SEC24A: variants seen among roughly 807,000 people sequenced by gnomAD.
The protein encoded by SEC24A is SEC24 homolog A, COPII component, also known as protein transport protein Sec24A.
In SEC24A, 93 loss-of-function variants were observed where a neutral mutation model predicts 129.4. The observed-to-expected ratio is 0.72, with a 90% CI of 0.61 to 0.85. SEC24A has a LOEUF of 0.85. Among genes scored for constraint, SEC24A ranks in the 40% least tolerant of loss-of-function variants. SEC24A has a pLI of 0.00. For missense variants in SEC24A, 1,264 were observed against 1,307.4 expected (o/e 0.97, Z 0.51); for synonymous variants, 460 against 467.3 (o/e 0.98, Z 0.20).
In SEC24A at chr5:134,666,853, C is replaced by T. The variant is rs1332820306; in HGVS notation, c.596C>T (p.Pro199Leu). 3 of 1,613,922 alleles carry T rather than the reference C, an allele frequency of 1.9e-6. No individual in the cohort carries two copies. Among genetic ancestry groups the T allele is most frequent in the Non-Finnish European group, 2.5e-6 (3 of 1,180,008 alleles). ...GPSVPPLVNP[P>L]LPTTFQPGAP... is the part of the protein sequence containing the mutation. ...TCTGTACCTCCCTTAGTGAATCCAC[C>T]TCTGCCTACAACTTTTCAACCAGGA... is the stretch of plus-strand genomic sequence containing the variant. The change falls in exon 3 of 23, where the codon CCT (proline) becomes CTT (leucine). Residue 199 changes from proline to leucine, a missense_variant. Pro to Leu is a moderately conservative substitution (Grantham distance 98). Transcript: ENST00000398844.
At chr5:134,693,353 A>G in intron 12 of SEC24A, 1 of 1,372,342 alleles carries the variant, frequency 7.3e-7, no homozygotes, top group Admixed American at 3.1e-5. Context: ...GCAACAGGGA[A>G]GAGCTAAACT....
intron 2 of SEC24A, among the ~76,000 whole-genome samples, 176 bp from the exon 3 acceptor site, chr5:134,666,647 A>G (rs1396040216): frequency 5.3e-5 from 8 of 152,148 alleles, no homozygotes; most frequent in African/African-American, 1.9e-4. Context: ...AGAAATTTGT[A>G]AAATATGCAT....
intron 9 of SEC24A, among the ~76,000 whole-genome samples, chr5:134,683,168 G>A (rs748615542): frequency 7.9e-5 from 12 of 151,548 alleles, no homozygotes; most frequent in South Asian, 2.1e-4. Context: ...GATTATAGGC[G>A]CGAGCCAACA....
chr5:134,696,867 G>T (rs1377559789), intron 13 of SEC24A, among the ~76,000 whole-genome samples: 1 of 151,236 alleles, frequency 6.6e-6, no homozygotes, highest in East Asian at 1.9e-4. Context: ...GGCTCAAGCA[G>T]TCCACCCGCC....
intron 18 of SEC24A, among the ~76,000 whole-genome samples, chr5:134,712,399 C>CTGTGT: frequency 6.7e-6 from 1 of 150,042 alleles, no homozygotes. Context: ...TACAGGCACC[C>CTGTGT]GCCACCATGC....
intron 11 of SEC24A, among the ~76,000 whole-genome samples, chr5:134,690,387 T>C (rs1460912114): frequency 6.6e-6 from 1 of 152,096 alleles, no homozygotes; most frequent in East Asian, 1.9e-4. Context: ...AATCATAGCT[T>C]GCTGCAGCCT....
chr5:134,694,119 T>G (rs1198348248), intron 13 of SEC24A, among the ~76,000 whole-genome samples, 186 bp downstream of exon 13: 1 of 152,234 alleles, frequency 6.6e-6, no homozygotes, highest in African/African-American at 2.4e-5. Flanking sequence ...TTCCTTAATT[T>G]TTAGTATCTT....
chr5:134,682,680 TCCTC>T (rs1438390915), intron 9 of SEC24A, among the ~76,000 whole-genome samples, 198 bp downstream of exon 9: 1 of 152,108 alleles, frequency 6.6e-6, no homozygotes, highest in Non-Finnish European at 1.5e-5. Context: ...GCTCAAGTGA[TCCTC>T]CCACCTCAGC....
intron 16 of SEC24A, 112 bp from the exon 17 acceptor site, chr5:134,705,215 A>G: frequency 1.4e-6 from 1 of 706,216 alleles, no homozygotes; most frequent in South Asian, 1.9e-5. Context: ...AGGTGGGACT[A>G]CAGGGATGCA....
chr5:134,673,808 A>G (rs1750958963), intron 4 of SEC24A, among the ~76,000 whole-genome samples: 1 of 152,148 alleles, frequency 6.6e-6, no homozygotes, highest in Non-Finnish European at 1.5e-5. Context: ...GTCTACTACT[A>G]TAGTATAAAA....
At chr5:134,699,459 C>T (rs911303563) in intron 15 of SEC24A, among the ~76,000 whole-genome samples, 5 of 151,690 alleles carry the variant, frequency 3.3e-5, no homozygotes, top group African/African-American at 4.8e-5. Flanking sequence ...CCACCATGCC[C>T]AGCTAATTTT....
At chr5:134,719,570 A>C (rs982080668) in intron 20 of SEC24A, among the ~76,000 whole-genome samples, 1 of 150,474 alleles carries the variant, frequency 6.6e-6, no homozygotes, top group Non-Finnish European at 1.5e-5. Flanking sequence ...CACCTGTAAT[A>C]CCAGCTACTT....
chr5:134,703,808 C>T lies in SEC24A; in HGVS notation c.2316C>T (p.Asp772=). ...GAAACTTCTTTGTTAGGTCAACCGA[C>T]TTACTGTCTTTGCCTAACGTCAACC... ...FHGNFFVRST[D]LLSLPNVNPD... is the part of the protein sequence containing the mutation. The change falls in exon 16 of 23, where the codon GAC becomes GAT. Residue 772 remains aspartate, a synonymous_variant. Coordinates refer to ENST00000398844, the MANE Select transcript of SEC24A (RefSeq NM_021982.3). The T allele has an allele frequency of 6.2e-7, 1 of 1,613,472 alleles. No individual in the cohort carries two copies. The highest frequency in any genetic ancestry group is 8.5e-7 in the Non-Finnish European group (1 of 1,179,428).
intron 7 of SEC24A, among the ~76,000 whole-genome samples, chr5:134,678,313 T>G (rs1015273939): frequency 3.3e-5 from 5 of 152,210 alleles, no homozygotes; most frequent in African/African-American, 1.2e-4. Flanking sequence ...GTAAGCTTCT[T>G]AATGTAACAT....
At position 134,692,656 on chromosome 5, in the gene SEC24A, A is replaced by G; in HGVS notation, c.1778A>G (p.Glu593Gly). 1 of 1,428,392 alleles carries G rather than the reference A, an allele frequency of 7.0e-7. No homozygotes were observed. Among genetic ancestry groups the G allele is most frequent in the Non-Finnish European group, 9.9e-7 (1 of 1,014,286 alleles). The allele number at this position is 1,428,392 out of a possible 1,614,324, so 88.5% of individuals were successfully genotyped here. Residue 593 changes from glutamate (E) to glycine (G), a missense_variant and splice_region_variant, in exon 12 of 23, where the codon GAG becomes GGG. Transcript: ENST00000398844. ...NLLVNLNESK[E>G]LVQDLLKTLP... ...TTAGTAAACTTAAATGAAAGTAAAG[A>G]GGTAAGGCACATTTTCCTACCTGAC...
intron 14 of SEC24A, 137 bp downstream of exon 14, chr5:134,697,383 T>A: frequency 1.5e-6 from 1 of 681,288 alleles, no homozygotes; most frequent in South Asian, 2.6e-5. Flanking sequence ...TTTAGTCTAT[T>A]AAAAACCTTA....
chr5:134,713,688 TTC>T, intron 18 of SEC24A, among the ~76,000 whole-genome samples: 1 of 152,108 alleles, frequency 6.6e-6, no homozygotes, highest in Non-Finnish European at 1.5e-5. Flanking sequence ...CATTATTCTT[TTC>T]TCTCTGCCTG....
At chr5:134,649,251 A>G in intron 1 of SEC24A, 78 bp downstream of exon 1, 1 of 1,077,248 alleles carries the variant, frequency 9.3e-7, no homozygotes, top group Non-Finnish European at 1.3e-6. Context: ...TTGAGGCGAC[A>G]TAGATAGAGA....
chr5:134,712,209 C>A (rs1337560059), intron 18 of SEC24A, among the ~76,000 whole-genome samples: 1 of 151,862 alleles, frequency 6.6e-6, no homozygotes, highest in Non-Finnish European at 1.5e-5. Context: ...AAGAGCAACT[C>A]ATTACTTTCT....
Sources: gnomAD v4.1 joint callset for allele counts (sites outside exome capture counted in the v4.1 genomes callset) on GRCh38, gnomAD v4.1.1 for gene constraint, MANE v1.5 for transcripts, NCBI Gene and HGNC (gene_info 2026-07-23, HGNC 2026-07-21) for gene names.